Variants in PCDHGB2 observed in about 807,000 individuals in gnomAD.
The protein encoded by PCDHGB2 is protocadherin gamma subfamily B, 2.
In PCDHGB2, 55 loss-of-function variants were observed where a neutral mutation model predicts 59.3. That is an observed-to-expected ratio of 0.93 (90% CI 0.75 to 1.16). PCDHGB2 has a LOEUF of 1.16. PCDHGB2 is among the 50% of genes most tolerant of loss of function. The pLI, the probability that PCDHGB2 is intolerant of heterozygous loss-of-function variation, is 0.00. For missense variants in PCDHGB2, 1,228 were observed against 1,198.5 expected (o/e 1.02, Z -0.36); for synonymous variants, 516 against 512.0 (o/e 1.01, Z -0.11).
chr5:141,393,789 G>C lies in PCDHGB2; in HGVS notation c.2421+31233G>C, dbSNP rs889575374. On this transcript the variant is annotated intron_variant, in intron 1 of 3. Transcript: ENST00000522605. ...GGAAATACAAGCCGAAGATGTGGGGGCACTTCTGGGGAGGACCAAATTGCT... is the reference window on the plus strand; with the variant it reads ...GGAAATACAAGCCGAAGATGTGGGGCCACTTCTGGGGAGGACCAAATTGCT... The C allele has an allele frequency of 1.9e-6, 3 of 1,613,840 alleles. No homozygotes were observed. The African/African-American group carries it at 4.0e-5, about 22-fold the overall frequency.
At chr5:141,362,990 A>C (rs1365847301) in intron 1 of PCDHGB2, among the ~76,000 whole-genome samples, 1 of 152,256 alleles carries the variant, frequency 6.6e-6, no homozygotes, top group African/African-American at 2.4e-5. Flanking sequence ...GCATAATGGC[A>C]TGGCTTGTTA....
chr5:141,481,736 G>A (rs569415213), intron 1 of PCDHGB2, among the ~76,000 whole-genome samples: 23 of 151,934 alleles, frequency 1.5e-4, no homozygotes, highest in African/African-American at 4.3e-4. Flanking sequence ...GGCGGATCAC[G>A]AGGTCAGGAG....
At position 141,419,408 on chromosome 5, in the gene PCDHGB2, C is replaced by T. The variant is rs534591654; in HGVS notation, c.2421+56852C>T. On this transcript the variant is annotated intron_variant, in intron 1 of 3. Coordinates refer to ENST00000522605, the MANE Select transcript of PCDHGB2 (RefSeq NM_018923.3). ...CGCGCAGAGCGGGGTGGTGTTCGCG[C>T]AGCGCGCCTTCGACCACGAGCAGCT... 6.2e-6 allele frequency: 10 copies of T among 1,613,508 alleles called. No individual in the cohort carries two copies. The African/African-American group carries it at 1.3e-4, about 21-fold the overall frequency.
At chr5:141,421,281 C>T in intron 1 of PCDHGB2, 2 of 1,612,970 alleles carry the variant, frequency 1.2e-6, no homozygotes, top group South Asian at 2.2e-5. Flanking sequence ...TGCTGCTGTG[C>T]ATTTTCCTGG....
intron 1 of PCDHGB2, chr5:141,385,236 C>T: frequency 2.5e-6 from 4 of 1,614,152 alleles, no homozygotes; most frequent in Non-Finnish European, 3.4e-6. Flanking sequence ...TAGACATGCT[C>T]ATCAGCCAGG....
At chr5:141,467,693 G>C (rs543886467) in intron 1 of PCDHGB2, among the ~76,000 whole-genome samples, 49 of 152,108 alleles carry the variant, frequency 3.2e-4, no homozygotes, top group African/African-American at 1.1e-3. Flanking sequence ...ACAGGGTCTG[G>C]CTCTGTTGCC....
chr5:141,414,139 G>A (rs1245110230), intron 1 of PCDHGB2: 6 of 1,596,386 alleles, frequency 3.8e-6, no homozygotes, highest in African/African-American at 1.3e-5. Context: ...CTATGAAATA[G>A]AAATACAAGC....
chr5:141,361,189 G>C lies in PCDHGB2; in HGVS notation c.1054G>C (p.Val352Leu). Residue 352 changes from valine to leucine, a missense_variant, in exon 1 of 4, where the codon GTA (valine) becomes CTA (leucine). Around this residue, in one of 3 missense-constraint regions of PCDHGB2, gnomAD observed 781 missense variants for 721.6 expected, o/e 1.08. Coordinates refer to ENST00000522605, the MANE Select transcript of PCDHGB2 (RefSeq NM_018923.3). ...TGCACCTGAAGTTATTGTGACTTCA[G>C]TATCTACTCCCCTACCGGAGGATTC... Reference protein sequence around the residue: ...DCAPEVIVTSVSTPLPEDSPP... With the variant: ...DCAPEVIVTSLSTPLPEDSPP... The C allele has an allele frequency of 6.2e-7, 1 of 1,613,964 alleles. No homozygotes were observed. The highest frequency in any genetic ancestry group is 8.5e-7 in the Non-Finnish European group (1 of 1,179,888).
In PCDHGB2 at chr5:141,480,546, G is replaced by A. The variant is rs184388425; in HGVS notation, c.2422-14261G>A. Reference sequence around the variant, plus strand: ...GACAAAGTAGAAGCACATATGAAAAGGCTAAGAAAGCATGAAAGCCAGCAA... The same window carrying A: ...GACAAAGTAGAAGCACATATGAAAAAGCTAAGAAAGCATGAAAGCCAGCAA... On this transcript the variant is annotated intron_variant, in intron 1 of 3. Coordinates refer to ENST00000522605, the MANE Select transcript of PCDHGB2 (RefSeq NM_018923.3). 4.9e-4 allele frequency among the ~76,000 whole-genome samples: 63 copies of A among 128,620 alleles called. 1 individual carries two copies. Among genetic ancestry groups the A allele is most frequent in the Middle Eastern group, 4.2e-3 (1 of 236 alleles). The allele number at this position is 128,620 out of a possible 152,430, so 84.4% of individuals were successfully genotyped here. A position where few individuals can be genotyped will look rare whatever the true frequency, so the allele number is the denominator to read the frequency against.
rs376101780 is a variant in PCDHGB2, at chr5:141,485,901, A to G, written c.2422-8906A>G. 3 of 1,614,026 alleles carry G rather than the reference A, an allele frequency of 1.9e-6. No homozygotes were observed. In the African/African-American group the frequency reaches 4.0e-5, roughly 22 times the overall value. Reference sequence around the variant, plus strand: ...GTAAACGACAACGCCCCAGCCTTCCAGCAATCCAGCTACAGGATTAGTGTG... The same window carrying G: ...GTAAACGACAACGCCCCAGCCTTCCGGCAATCCAGCTACAGGATTAGTGTG... On this transcript the variant is annotated intron_variant, in intron 1 of 3. Coordinates refer to ENST00000522605, the MANE Select transcript of PCDHGB2 (RefSeq NM_018923.3). This position sits in a 1 kb window ranked among gnomAD's most constrained non-coding sequence, Gnocchi z 5.7.
intron 1 of PCDHGB2, chr5:141,383,037 A>G: frequency 6.2e-7 from 1 of 1,613,816 alleles, no homozygotes; most frequent in Non-Finnish European, 8.5e-7. Context: ...CCTTTGTGGG[A>G]GACATCGCCA....
chr5:141,430,399 T>C (rs2097282187), intron 1 of PCDHGB2, among the ~76,000 whole-genome samples: 1 of 150,106 alleles, frequency 6.7e-6, no homozygotes, highest in African/African-American at 2.4e-5. Flanking sequence ...AAAAAAAAGC[T>C]CACTAAAGTT....
rs753032334 is a variant in PCDHGB2 at position 141,372,277 on chromosome 5, C to G, written c.2421+9721C>G. The G allele has an allele frequency of 7.4e-6, 12 of 1,612,994 alleles. No individual in the cohort carries two copies. Among genetic ancestry groups the G allele is most frequent in the Middle Eastern group, 3.3e-4 (2 of 6,080 alleles). Reference sequence around the variant, plus strand: ...GGCCTGCGCACGGGTGAGGTGCGCACGGCGCGTACCTTGGGCGACAGGGAG... The same window carrying G: ...GGCCTGCGCACGGGTGAGGTGCGCAGGGCGCGTACCTTGGGCGACAGGGAG... On this transcript the variant is annotated intron_variant, in intron 1 of 3. Transcript: ENST00000522605.
chr5:141,384,384 C>A (rs142665639), intron 1 of PCDHGB2: 102 of 1,613,934 alleles, frequency 6.3e-5, no homozygotes, highest in Non-Finnish European at 8.3e-5. Context: ...CCGAAGACAC[C>A]ATCCAGGGGG....
At chr5:141,380,374 C>CA (rs1392745416) in intron 1 of PCDHGB2, among the ~76,000 whole-genome samples, 1 of 151,910 alleles carries the variant, frequency 6.6e-6, no homozygotes, top group Non-Finnish European at 1.5e-5. Flanking sequence ...AAAAAAGTCC[C>CA]AAAAAAGAAA....
chr5:141,419,870 G>C, intron 1 of PCDHGB2: 1 of 1,614,054 alleles, frequency 6.2e-7, no homozygotes, highest in Non-Finnish European at 8.5e-7. Context: ...CTTGCAAGAG[G>C]TACTGCCGGA....
chr5:141,418,095 C>T, intron 1 of PCDHGB2: 1 of 1,614,006 alleles, frequency 6.2e-7, no homozygotes, highest in Non-Finnish European at 8.5e-7. Context: ...AGCGTAGACG[C>T]GCAGAGCGGG....
Position 141,487,501 on chromosome 5 carries a change from T to A in PCDHGB2, c.2422-7306T>A. 1 of 1,614,232 alleles carries A rather than the reference T, an allele frequency of 6.2e-7. No individual in the cohort carries two copies. Among genetic ancestry groups the A allele is most frequent in the Non-Finnish European group, 8.5e-7 (1 of 1,180,036 alleles). On this transcript the variant is annotated intron_variant, in intron 1 of 3. Transcript: ENST00000522605. This position sits in a 1 kb window ranked among gnomAD's most constrained non-coding sequence, Gnocchi z 5.0. ...ACTCTCATGGCTGTACACCCTTGGC[T>A]TCTGCACCCACTCGGAGTGATAGCT...
chr5:141,360,512 T>A lies in PCDHGB2; in HGVS notation c.377T>A (p.Ile126Lys), dbSNP rs551303336. The stretch of plus-strand genomic sequence containing the variant: ...TACATAGCAGTAATTGTGCAGGATA[T>A]AAATGATAATACCCCGCTATTCAAA... ...IFYIAVIVQDINDNTPLFKQT... is the reference protein window; with the variant it reads ...IFYIAVIVQDKNDNTPLFKQT... The change falls in exon 1 of 4, where the codon ATA (isoleucine) becomes AAA (lysine). Residue 126 changes from isoleucine to lysine, a missense_variant. Coordinates refer to ENST00000522605, the MANE Select transcript of PCDHGB2 (RefSeq NM_018923.3). The A allele has an allele frequency of 6.2e-7, 1 of 1,613,978 alleles. No homozygotes were observed.
Sources: allele counts gnomAD v4.1 joint callset (sites outside exome capture counted in the v4.1 genomes callset), GRCh38; gene constraint gnomAD v4.1.1; regional missense constraint gnomAD v4.1.1; non-coding constraint Gnocchi (gnomAD v3.1); transcripts MANE v1.5; gene names NCBI Gene and HGNC (gene_info 2026-07-23, HGNC 2026-07-21).